ANKRD31: variants seen among roughly 807,000 people sequenced by gnomAD.
The protein encoded by ANKRD31 is ankyrin repeat domain 31, also known as ankyrin repeat domain-containing protein 31.
ANKRD31 carries 147 observed loss-of-function variants against 186.0 expected under a neutral mutation model. That is an observed-to-expected ratio of 0.79 (90% CI 0.69 to 0.91). ANKRD31 has a LOEUF of 0.91. ANKRD31 is among the 40% of genes least tolerant of loss of function. ANKRD31 has a pLI of 0.00. For missense variants in ANKRD31, 1,986 were observed against 2,148.8 expected (o/e 0.92, Z 1.50); for synonymous variants, 673 against 736.4 (o/e 0.91, Z 1.39).
chr5:75,104,249 G>T lies in ANKRD31; in HGVS notation c.5310C>A (p.Asn1770Lys), dbSNP rs1747142866. The T allele has an allele frequency of 2.6e-6, 4 of 1,510,702 alleles. No individual in the cohort carries two copies. The highest frequency in any genetic ancestry group is 3.5e-6 in the Non-Finnish European group (4 of 1,133,588). The allele number at this position is 1,510,702 out of a possible 1,614,324, so 93.6% of individuals were successfully genotyped here. A position where few individuals can be genotyped will look rare whatever the true frequency, so the allele number is the denominator to read the frequency against. The change falls in exon 22 of 26, where the codon AAC becomes AAA. Residue 1770 changes from asparagine to lysine, a missense_variant. Asn to Lys is a moderately conservative substitution (Grantham distance 94). Transcript: ENST00000506364. ...ILLGRINPGN[N>K]ILEFKTQETT... ...ATACCTGTGTTTTGAATTCCAGAAT[G>T]TTATTTCCTGGGTTAATTCTTCCTA... is the stretch of plus-strand genomic sequence containing the variant.
chr5:75,176,974 A>G lies in ANKRD31; in HGVS notation c.1565-7853T>C, dbSNP rs374730954. Among the ~76,000 whole-genome samples the G allele has an allele frequency of 2.8e-4, 43 of 152,308 alleles. No homozygotes were observed. The South Asian group carries it at 8.1e-3, about 29-fold the overall frequency. ...AGTGCAAACCAATGGCAAAGAAGTT[A>G]AAAACTATGAAAAAAAATTAGACGA... On this transcript the variant is annotated intron_variant, in intron 10 of 25. Transcript: ENST00000506364.
At chr5:75,112,888 A>C (rs933570591) in intron 19 of ANKRD31, among the ~76,000 whole-genome samples, 5 of 152,220 alleles carry the variant, frequency 3.3e-5, no homozygotes, top group Admixed American at 2.0e-4. Flanking sequence ...ACTTCTGTTG[A>C]AACTATAGGT....
intron 15 of ANKRD31, among the ~76,000 whole-genome samples, chr5:75,140,231 G>A (rs1750912081): frequency 2.0e-5 from 2 of 101,178 alleles, no homozygotes; most frequent in Admixed American, 9.6e-5. Context: ...AGAAAAGAAA[G>A]AAAGAAGGAA....
chr5:75,171,594 A>C (rs6885333), intron 10 of ANKRD31, among the ~76,000 whole-genome samples: 7,385 of 151,898 alleles, frequency 0.049, 383 homozygotes, highest in African/African-American at 0.13. Context: ...TAGAAGGCAG[A>C]AAAAGAACAG....
intron 22 of ANKRD31, among the ~76,000 whole-genome samples, chr5:75,094,041 T>C (rs1746134076): frequency 6.6e-6 from 1 of 152,310 alleles, no homozygotes; most frequent in Admixed American, 6.5e-5. Context: ...TCTCAACAGA[T>C]TTTGAAAAGC....
intron 10 of ANKRD31, among the ~76,000 whole-genome samples, chr5:75,171,346 TAAAC>T (rs889695670): frequency 7.9e-4 from 120 of 152,066 alleles, no homozygotes; most frequent in African/African-American, 2.8e-3. Context: ...ATTTTAAAAT[TAAAC>T]AACTTCTAAT....
chr5:75,183,018 A>T (rs2335134), intron 10 of ANKRD31, among the ~76,000 whole-genome samples: 2,250 of 151,988 alleles, frequency 0.015, 68 homozygotes, highest in African/African-American at 0.051. Context: ...AACAAAATAC[A>T]AGCAAACTGA....
intron 19 of ANKRD31, among the ~76,000 whole-genome samples, chr5:75,113,646 C>T (rs1361447104): frequency 1.3e-5 from 2 of 152,118 alleles, no homozygotes; most frequent in Non-Finnish European, 2.9e-5. Flanking sequence ...TCAAAGCCTT[C>T]TGAAGTATGT....
At chr5:75,147,590 T>C (rs976213380) in intron 13 of ANKRD31, 85 bp from the exon 14 acceptor site, 30 of 958,388 alleles carry the variant, frequency 3.1e-5, no homozygotes, top group African/African-American at 6.7e-5. Flanking sequence ...AAATCAACTA[T>C]TATTTGATTC....
At chr5:75,165,087 T>C (rs907324474) in intron 11 of ANKRD31, among the ~76,000 whole-genome samples, 3 of 152,206 alleles carry the variant, frequency 2.0e-5, no homozygotes, top group Non-Finnish European at 4.4e-5. Flanking sequence ...GTGTCCTTTG[T>C]TGTGATTCAA....
chr5:75,134,461 C>T (rs1750380349), intron 17 of ANKRD31, among the ~76,000 whole-genome samples: 1 of 151,978 alleles, frequency 6.6e-6, no homozygotes, highest in Admixed American at 6.6e-5. Context: ...AAGACTAAAC[C>T]AGGAAGAAGT....
chr5:75,181,435 C>T (rs888088853), intron 10 of ANKRD31, among the ~76,000 whole-genome samples: 2 of 152,028 alleles, frequency 1.3e-5, no homozygotes, highest in African/African-American at 2.4e-5. Context: ...CACATGCACA[C>T]GTACGTTTAT....
At position 75,104,210 on chromosome 5, in the gene ANKRD31, GA is replaced by G. The variant is rs760988894; in HGVS notation, c.5331+17del. 4.1e-6 allele frequency: 6 copies of G among 1,457,732 alleles called. No homozygotes were observed. The South Asian group carries it at 4.2e-5, about 10-fold the overall frequency. 90.3% of individuals were successfully genotyped at this position (1,457,732 alleles called of 1,614,324 possible). ...TTTATAAAATTTGCATGATTTTAGAGAAAAAAATATAGAATACCTGTGTTTT... is the reference window on the plus strand; with the variant it reads ...TTTATAAAATTTGCATGATTTTAGAGAAAAAATATAGAATACCTGTGTTTT... On this transcript the variant is annotated intron_variant, in intron 22 of 25. Coordinates refer to ENST00000506364, the MANE Select transcript of ANKRD31 (RefSeq NM_001372053.1).
intron 9 of ANKRD31, among the ~76,000 whole-genome samples, chr5:75,190,503 A>G: frequency 6.6e-6 from 1 of 151,986 alleles, no homozygotes; most frequent in East Asian, 1.9e-4. Context: ...CCCCTTATAT[A>G]TTTTGTAGAA....
At position 75,104,341 on chromosome 5, in the gene ANKRD31, T is replaced by C. The variant is rs1747150784; in HGVS notation, c.5218A>G (p.Lys1740Glu). Residue 1740 changes from lysine to glutamate, a missense_variant, in exon 22 of 26, where the codon AAA (lysine) becomes GAA (glutamate). Transcript: ENST00000506364. Reference sequence around the variant, plus strand: ...GCTGTACTGTAGTTTAAAGCCTTTTTTATTGTATCTTGTTGCCCAGATCCA... The same window carrying C: ...GCTGTACTGTAGTTTAAAGCCTTTTCTATTGTATCTTGTTGCCCAGATCCA... Reference protein sequence around the residue: ...SSGSGQQDTIKKALNYSTAPK... With the variant: ...SSGSGQQDTIEKALNYSTAPK... 1 of 1,537,122 alleles carries C rather than the reference T, an allele frequency of 6.5e-7. No individual in the cohort carries two copies. Among genetic ancestry groups the C allele is most frequent in the African/African-American group, 1.4e-5 (1 of 73,054 alleles).
intron 4 of ANKRD31, among the ~76,000 whole-genome samples, chr5:75,208,516 T>C (rs1756400617): frequency 6.7e-6 from 1 of 150,074 alleles, no homozygotes; most frequent in Non-Finnish European, 1.5e-5. Context: ...CTTGAAAAAA[T>C]AAAATAAAAT....
At chr5:75,171,108 CA>C (rs150115548) in intron 10 of ANKRD31, among the ~76,000 whole-genome samples, 3,961 of 151,984 alleles carry the variant, frequency 0.026, 155 homozygotes, top group African/African-American at 0.09. Flanking sequence ...AACAGCTGAA[CA>C]ACATTATCAA....
chr5:75,119,599 C>T (rs1748585359), intron 17 of ANKRD31, among the ~76,000 whole-genome samples: 1 of 152,138 alleles, frequency 6.6e-6, no homozygotes, highest in Admixed American at 6.5e-5. Context: ...ATTTGTTTTC[C>T]TTTGGGTACA....
intron 11 of ANKRD31, among the ~76,000 whole-genome samples, chr5:75,164,513 C>T (rs113074539): frequency 3.1e-4 from 47 of 152,236 alleles, no homozygotes; most frequent in African/African-American, 6.7e-4. Context: ...CATAAGCAGG[C>T]GTCAGAATTC....
Sources: allele counts gnomAD v4.1 joint callset (sites outside exome capture counted in the v4.1 genomes callset), GRCh38; gene constraint gnomAD v4.1.1; transcripts MANE v1.5; gene names NCBI Gene and HGNC (gene_info 2026-07-23, HGNC 2026-07-21).